The following WDR31 variants were observed in gnomAD, a reference collection of about 807,000 sequenced individuals.
WDR31 encodes the protein WD repeat-containing protein 31.
WDR31 carries 30 observed loss-of-function variants against 47.3 expected under a neutral mutation model. The ratio of observed to expected loss-of-function variants is 0.63; its 90% CI spans 0.47 to 0.86. The LOEUF (loss-of-function observed/expected upper bound fraction) is 0.86. WDR31 is among the 40% of genes least tolerant of loss of function. WDR31 has a pLI of 0.00. For synonymous variants in WDR31, 137 were observed against 159.4 expected, an observed-to-expected ratio of 0.86 and a Z score of 1.06; for missense variants, 406 against 442.9, an observed-to-expected ratio of 0.92 and a Z score of 0.75.
At chr9:113,330,960 C>T (rs567953535) in intron 4 of WDR31, 24 bp downstream of exon 4, 2 of 1,567,460 alleles carry the variant, frequency 1.3e-6, no homozygotes, top group East Asian at 2.3e-5. Context: ...AAGTTCATTT[C>T]CCGGGAAACA....
chr9:113,319,989 T>C (rs774745411), intron 9 of WDR31, among the ~76,000 whole-genome samples: 1 of 152,226 alleles, frequency 6.6e-6, no homozygotes, highest in Non-Finnish European at 1.5e-5. Context: ...GTCTCCCTTG[T>C]TGCCCAGGCT....
chr9:113,323,666 C>T (rs1432760623), intron 5 of WDR31, among the ~76,000 whole-genome samples: 2 of 152,214 alleles, frequency 1.3e-5, no homozygotes, highest in African/African-American at 4.8e-5. Flanking sequence ...GCTACCTTTC[C>T]TTTATGTAGC....
intron 1 of WDR31, among the ~76,000 whole-genome samples, chr9:113,337,622 T>C (rs1833745491): frequency 6.6e-6 from 1 of 152,088 alleles, no homozygotes; most frequent in South Asian, 2.1e-4. Flanking sequence ...TGTGCCTCCA[T>C]GCCCAGCTAA....
At chr9:113,338,804 G>A (rs1477580896) in intron 1 of WDR31, among the ~76,000 whole-genome samples, 1 of 152,060 alleles carries the variant, frequency 6.6e-6, no homozygotes, top group Admixed American at 6.5e-5. Context: ...TTTTAGTAGA[G>A]ACAGGATTTC....
At position 113,318,570 on chromosome 9, in the gene WDR31, G is replaced by C; in HGVS notation, c.848C>G (p.Ser283Cys). ...CAATGCTCTTGGTAGAAAGACGCAG[G>C]ATGCGACAGTCTGGAAATGCCCCTT... The part of the protein sequence containing the change: ...EYKGHFQTVA[S>C]CVFLPRALAL... The change falls in exon 10 of 11, where the codon TCC (serine) becomes TGC (cysteine). Residue 283 changes from serine (S) to cysteine (C), a missense_variant. Ser to Cys is a moderately radical substitution (Grantham distance 112). Transcript: ENST00000374193. The C allele has an allele frequency of 1.1e-5, 17 of 1,614,202 alleles. No individual in the cohort carries two copies. The highest frequency in any genetic ancestry group is 1.4e-5 in the Non-Finnish European group (17 of 1,180,034).
intron 2 of WDR31, among the ~76,000 whole-genome samples, chr9:113,335,595 A>G (rs1391480953): frequency 6.6e-6 from 1 of 152,232 alleles, no homozygotes; most frequent in Non-Finnish European, 1.5e-5. Flanking sequence ...TTAGCATTAA[A>G]AAAATGGAGT....
intron 5 of WDR31, among the ~76,000 whole-genome samples, chr9:113,326,136 C>T (rs1323198813): frequency 6.6e-6 from 1 of 152,192 alleles, no homozygotes; most frequent in East Asian, 1.9e-4. Flanking sequence ...GTCTTGAATT[C>T]CTGACCTCAG....
At chr9:113,325,003 TG>T (rs1054088102) in intron 5 of WDR31, among the ~76,000 whole-genome samples, 1 of 152,112 alleles carries the variant, frequency 6.6e-6, no homozygotes, top group Non-Finnish European at 1.5e-5. Flanking sequence ...TGGAGTGCAA[TG>T]GTGTGATCTC....
intron 2 of WDR31, among the ~76,000 whole-genome samples, chr9:113,335,503 G>A (rs1833698431): frequency 6.6e-6 from 1 of 152,154 alleles, no homozygotes; most frequent in Admixed American, 6.5e-5. Context: ...CCTAATTCTA[G>A]GAAGAACTGT....
intron 2 of WDR31, among the ~76,000 whole-genome samples, chr9:113,332,970 A>G (rs2118847139): frequency 6.6e-6 from 1 of 152,288 alleles, no homozygotes; most frequent in South Asian, 2.1e-4. Context: ...TCCTTTGCCT[A>G]CTGCCACGGT....
chr9:113,316,715 T>C lies in WDR31; in HGVS notation c.*34A>G, dbSNP rs1382496167. The C allele has an allele frequency of 7.5e-6, 12 of 1,594,312 alleles. No homozygotes were observed. Among genetic ancestry groups the C allele is most frequent in the Non-Finnish European group, 9.4e-6 (11 of 1,168,622 alleles). On this transcript the variant is annotated 3_prime_UTR_variant, in exon 11 of 11. Coordinates refer to ENST00000374193, the MANE Select transcript of WDR31 (RefSeq NM_001012361.4). ...ACAAAGCCATGCTGAGGAGGAGCCA[T>C]GGTTTGATATTGTCCAGTGAGTGTC...
chr9:113,334,819 A>G (rs1300480915), intron 2 of WDR31, among the ~76,000 whole-genome samples: 1 of 150,164 alleles, frequency 6.7e-6, no homozygotes, highest in Non-Finnish European at 1.5e-5. Flanking sequence ...TTGACTTCCC[A>G]AAGTGCTAGG....
rs7865438 is a variant in WDR31 at position 113,315,892 on chromosome 9, T to C, written c.*857A>G. On this transcript the variant is annotated 3_prime_UTR_variant, in exon 11 of 11. Coordinates refer to ENST00000374193, the MANE Select transcript of WDR31 (RefSeq NM_001012361.4). Reference sequence around the variant, plus strand: ...TTTTCCTGTATGTTCTAATGTTATTTCAGGGATCCCCTTTGCCTCACTCTG... The same window carrying C: ...TTTTCCTGTATGTTCTAATGTTATTCCAGGGATCCCCTTTGCCTCACTCTG... The C allele has an allele frequency of 0.12, 18,664 of 152,226 alleles. 1,246 individuals are homozygous for C. The highest frequency in any genetic ancestry group is 0.18 in the South Asian group (868 of 4,818). 9.4% of individuals were successfully genotyped at this position (152,226 alleles called of 1,614,324 possible).
At chr9:113,327,678 A>AT in intron 5 of WDR31, among the ~76,000 whole-genome samples, 1 of 150,988 alleles carries the variant, frequency 6.6e-6, no homozygotes, top group Non-Finnish European at 1.5e-5. Flanking sequence ...TTTGGTCAAG[A>AT]TGGGGTCTTG....
intron 4 of WDR31, 41 bp from the exon 5 acceptor site, chr9:113,328,996 G>C: frequency 1.3e-6 from 2 of 1,553,922 alleles, no homozygotes; most frequent in Non-Finnish European, 1.8e-6. Flanking sequence ...CTCAATTCTT[G>C]TTAAAGTGAC....
intron 5 of WDR31, among the ~76,000 whole-genome samples, chr9:113,326,740 T>C (rs1833478790): frequency 6.6e-6 from 1 of 151,366 alleles, no homozygotes; most frequent in Non-Finnish European, 1.5e-5. Flanking sequence ...TCCCAAAGTG[T>C]TGGGATTTTA....
intron 4 of WDR31, among the ~76,000 whole-genome samples, chr9:113,329,748 CG>C (rs1833553227): frequency 6.6e-6 from 1 of 151,618 alleles, no homozygotes; most frequent in South Asian, 2.1e-4. Context: ...CTGAGGCGGG[CG>C]GATCACCTGA....
rs150259659 is a variant in WDR31 at position 113,323,030 on chromosome 9, G to A, written c.450C>T (p.Thr150=). ...QQLCGHAMVV[T]GLAVSPDSSQ... ...TTTTACCTGGACTCACAGCCAATCC[G>A]GTGACCACCATGGCATGGCCACACA... Residue 150 remains threonine, a synonymous_variant, in exon 6 of 11, where the codon ACC becomes ACT. Transcript: ENST00000374193. 12 of 1,614,032 alleles carry A rather than the reference G, an allele frequency of 7.4e-6. No homozygotes were observed. Among genetic ancestry groups the A allele is most frequent in the South Asian group, 3.3e-5 (3 of 91,072 alleles).
intron 5 of WDR31, among the ~76,000 whole-genome samples, chr9:113,325,365 T>C (rs1833438776): frequency 6.6e-6 from 1 of 152,234 alleles, no homozygotes; most frequent in South Asian, 2.1e-4. Flanking sequence ...CTATCATATA[T>C]ATGTTTGATC....
Sources: allele counts gnomAD v4.1 joint callset (sites outside exome capture counted in the v4.1 genomes callset), GRCh38; gene constraint gnomAD v4.1.1; transcripts MANE v1.5; gene names NCBI Gene and HGNC (gene_info 2026-07-23, HGNC 2026-07-21).